MET: variants seen among roughly 807,000 people sequenced by gnomAD.
The protein encoded by MET is MET proto-oncogene, receptor tyrosine kinase, also known as hepatocyte growth factor receptor.
MET carries 48 observed loss-of-function variants against 133.1 expected under a neutral mutation model. That is an observed-to-expected ratio of 0.36 (90% CI 0.29 to 0.46). The LOEUF (loss-of-function observed/expected upper bound fraction) is 0.46, where lower values mean the gene tolerates loss of function less well. Ranked by LOEUF, MET falls within the 20% of genes least tolerant of loss-of-function variation. The pLI, the probability that MET is intolerant of heterozygous loss-of-function variation, is 1.00. For synonymous variants in MET, 628 were observed against 616.5 expected (o/e 1.02, Z -0.28); for missense variants, 1,442 against 1,695.9 (o/e 0.85, Z 2.63).
chr7:116,676,022 A>T (rs1198741631), intron 1 of MET, among the ~76,000 whole-genome samples: 3 of 152,230 alleles, frequency 2.0e-5, no homozygotes, highest in Non-Finnish European at 4.4e-5. Context: ...CATGGGACAA[A>T]ATGAAAAAAG....
At chr7:116,711,356 T>G (rs1791985653) in intron 2 of MET, among the ~76,000 whole-genome samples, 1 of 152,232 alleles carries the variant, frequency 6.6e-6, no homozygotes, top group African/African-American at 2.4e-5. Context: ...TGTTCCAGCC[T>G]CATTTAAGAG....
chr7:116,682,326 C>T (rs1321795295), intron 1 of MET, among the ~76,000 whole-genome samples: 1 of 152,152 alleles, frequency 6.6e-6, no homozygotes, highest in Non-Finnish European at 1.5e-5. Context: ...TTCATAATCC[C>T]TAAATGGGTT....
intron 16 of MET, among the ~76,000 whole-genome samples, chr7:116,777,731 T>C (rs1379623853): frequency 6.6e-6 from 1 of 152,198 alleles, no homozygotes; most frequent in Non-Finnish European, 1.5e-5. Context: ...TAACTATAAC[T>C]ATGTTTGGTT....
At chr7:116,684,242 T>C (rs1796464586) in intron 1 of MET, among the ~76,000 whole-genome samples, 1 of 152,380 alleles carries the variant, frequency 6.6e-6, no homozygotes, top group East Asian at 1.9e-4. Context: ...ATAATTTTTC[T>C]CACTTTAATA....
chr7:116,769,910 A>G, intron 12 of MET, 119 bp downstream of exon 12: 1 of 1,360,342 alleles, frequency 7.4e-7, no homozygotes, highest in Non-Finnish European at 1.0e-6. Flanking sequence ...TCATCAACTC[A>G]GCCTGCATTC....
chr7:116,751,411 G>A (rs1475963796), intron 5 of MET, among the ~76,000 whole-genome samples: 2 of 152,160 alleles, frequency 1.3e-5, no homozygotes, highest in Admixed American at 1.3e-4. Context: ...ATCACACATA[G>A]GGGCCTGTCG....
At chr7:116,679,798 G>A (rs1345667396) in intron 1 of MET, among the ~76,000 whole-genome samples, 1 of 152,148 alleles carries the variant, frequency 6.6e-6, no homozygotes, top group African/African-American at 2.4e-5. Flanking sequence ...TTGTGAATGT[G>A]TATTTTCTGG....
chr7:116,750,712 G>T (rs951852904), intron 5 of MET, among the ~76,000 whole-genome samples: 6 of 151,986 alleles, frequency 3.9e-5, no homozygotes, highest in African/African-American at 1.5e-4. Flanking sequence ...AATCTACAAG[G>T]AACTTAAACA....
Position 116,781,904 on chromosome 7 carries a change from A to G in MET, c.3523-84A>G, listed in dbSNP as rs1562935085. On this transcript the variant is annotated intron_variant, in intron 17 of 20. Transcript: ENST00000397752. Reference sequence around the variant, plus strand: ...AATTTTTGAGACAAGATAATTTTTTATAAATAAATATTTCAGAATTCTAAG... The same window carrying G: ...AATTTTTGAGACAAGATAATTTTTTGTAAATAAATATTTCAGAATTCTAAG... The G allele has an allele frequency of 3.3e-6, 3 of 904,772 alleles. No homozygotes were observed. In the East Asian group the frequency reaches 7.9e-5, roughly 24 times the overall value. 56.0% of individuals were successfully genotyped at this position (904,772 alleles called of 1,614,324 possible).
At chr7:116,771,471 T>A (rs1166701935) in intron 12 of MET, 27 bp from the exon 13 acceptor site, 1 of 1,613,312 alleles carries the variant, frequency 6.2e-7, no homozygotes, top group Non-Finnish European at 8.5e-7. Context: ...GGCTAAATGC[T>A]GACTTTTCTT....
At chr7:116,754,400 T>A (rs1470742926) in intron 5 of MET, among the ~76,000 whole-genome samples, 1 of 151,526 alleles carries the variant, frequency 6.6e-6, no homozygotes, top group Non-Finnish European at 1.5e-5. Flanking sequence ...CATGAAGGAG[T>A]TTGATAAGAG....
At position 116,699,407 on chromosome 7, in the gene MET, C is replaced by T. The variant is rs2116585856; in HGVS notation, c.323C>T (p.Ser108Leu). The T allele has an allele frequency of 6.2e-7, 1 of 1,614,032 alleles. No homozygotes were observed. The highest frequency in any genetic ancestry group is 8.5e-7 in the Non-Finnish European group (1 of 1,179,948). The part of the protein sequence containing the change: ...CQDCSSKANL[S>L]GGVWKDNINM... ...GACTGCAGCAGCAAAGCCAATTTAT[C>T]AGGAGGTGTTTGGAAAGATAACATC... The change falls in exon 2 of 21, where the codon TCA becomes TTA. Residue 108 changes from serine (S) to leucine (L), a missense_variant. Coordinates refer to ENST00000397752, the MANE Select transcript of MET (RefSeq NM_000245.4).
chr7:116,765,312 C>T (rs1794581146), intron 11 of MET, among the ~76,000 whole-genome samples: 2 of 147,332 alleles, frequency 1.4e-5, no homozygotes, highest in African/African-American at 2.5e-5. Flanking sequence ...AAAAAAACCA[C>T]GTACTTCATC....
At chr7:116,727,493 C>T (rs1022715198) in intron 2 of MET, among the ~76,000 whole-genome samples, 1 of 152,250 alleles carries the variant, frequency 6.6e-6, no homozygotes, top group East Asian at 1.9e-4. Context: ...TCCTTCCTTC[C>T]TTCCTTTTTC....
At chr7:116,673,841 G>T (rs1796060527) in intron 1 of MET, among the ~76,000 whole-genome samples, 1 of 152,132 alleles carries the variant, frequency 6.6e-6, no homozygotes. Context: ...TGTTTTGAAC[G>T]TGTAAACTTC....
At chr7:116,672,661 C>T in intron 1 of MET, 84 bp downstream of exon 1, 1 of 374,074 alleles carries the variant, frequency 2.7e-6, no homozygotes. Flanking sequence ...AGAGACCTGA[C>T]TGCTGTTCCA....
chr7:116,766,069 G>A (rs942266229), intron 11 of MET, among the ~76,000 whole-genome samples: 10 of 152,260 alleles, frequency 6.6e-5, no homozygotes, highest in African/African-American at 2.4e-4. Flanking sequence ...GTTCTTTAGA[G>A]GGAATAGCTC....
chr7:116,676,906 C>T (rs777670783), intron 1 of MET, among the ~76,000 whole-genome samples: 1 of 151,952 alleles, frequency 6.6e-6, no homozygotes, highest in Non-Finnish European at 1.5e-5. Flanking sequence ...CATTAGCTAC[C>T]ATGTTAAAGA....
chr7:116,702,702 T>C (rs948720943), intron 2 of MET, among the ~76,000 whole-genome samples: 2 of 152,174 alleles, frequency 1.3e-5, no homozygotes, highest in African/African-American at 2.4e-5. Flanking sequence ...ACATCTCTAA[T>C]ACATTTATAA....
Sources: allele counts gnomAD v4.1 joint callset (sites outside exome capture counted in the v4.1 genomes callset), GRCh38; gene constraint gnomAD v4.1.1; transcripts MANE v1.5; gene names NCBI Gene and HGNC (gene_info 2026-07-23, HGNC 2026-07-21).